SLC4A10: variants seen among roughly 807,000 people sequenced by gnomAD.
SLC4A10 encodes solute carrier family 4 member 10.
Under a neutral mutation model 137.7 loss-of-function variants are expected in SLC4A10, and 42 were observed. The ratio of observed to expected loss-of-function variants is 0.30; its 90% confidence interval spans 0.24 to 0.39. The LOEUF (loss-of-function observed/expected upper bound fraction) is 0.39, where lower values mean the gene tolerates loss of function less well. Ranked by LOEUF, SLC4A10 falls within the 10% of genes least tolerant of loss-of-function variation. SLC4A10 has a pLI of 1.00. For missense variants in SLC4A10, 925 were observed against 1,355.0 expected, an observed-to-expected ratio of 0.68 and a Z score of 4.98; for synonymous variants, 474 against 464.1, an observed-to-expected ratio of 1.02 and a Z score of -0.27.
chr2:161,763,145 T>C (rs1281205462), intron 1 of SLC4A10, among the ~76,000 whole-genome samples: 1 of 152,106 alleles, frequency 6.6e-6, no homozygotes, highest in Admixed American at 6.6e-5. Flanking sequence ...GAATTAATCA[T>C]TCTGTTGAGC....
intron 5 of SLC4A10, among the ~76,000 whole-genome samples, chr2:161,858,697 G>C (rs2060234922): frequency 6.6e-6 from 1 of 152,184 alleles, no homozygotes; most frequent in South Asian, 2.1e-4. Flanking sequence ...ATTAATGATG[G>C]AAATATCCTC....
At chr2:161,822,317 A>G (rs1300223182) in intron 3 of SLC4A10, among the ~76,000 whole-genome samples, 3 of 152,188 alleles carry the variant, frequency 2.0e-5, no homozygotes, top group African/African-American at 7.2e-5. Flanking sequence ...AGACATGGGG[A>G]CCCTAATACC....
At chr2:161,737,598 G>A in intron 1 of SLC4A10, among the ~76,000 whole-genome samples, 1 of 151,830 alleles carries the variant, frequency 6.6e-6, no homozygotes, top group East Asian at 1.9e-4. Flanking sequence ...ATTCCTTCAT[G>A]GGCCTAATTC....
Position 161,942,826 on chromosome 2 carries a change from G to A in SLC4A10, c.2032G>A (p.Gly678Ser), listed in dbSNP as rs1692970808. 1.9e-6 allele frequency: 3 copies of A among 1,605,834 alleles called. No homozygotes were observed. The African/African-American group carries it at 4.0e-5, about 21-fold the overall frequency. ...NCVEPHNPSNGTLKEWRESNI... is the reference protein window; with the variant it reads ...NCVEPHNPSNSTLKEWRESNI... ...TGTGGAACCGCATAATCCCAGCAAT[G>A]GCACATTGAAGGAATGGAGGGAATC... Residue 678 changes from glycine to serine, a missense_variant, in exon 16 of 27, where the codon GGC becomes AGC. Gly to Ser is a moderately conservative substitution (Grantham distance 56). Around this residue, in one of 11 missense-constraint regions of SLC4A10, gnomAD observed 91 missense variants for 95.6 expected, o/e 0.95. Coordinates refer to ENST00000446997, the MANE Select transcript of SLC4A10 (RefSeq NM_001178015.2).
intron 15 of SLC4A10, among the ~76,000 whole-genome samples, chr2:161,933,392 T>C (rs544623483): frequency 1.5e-4 from 22 of 151,346 alleles, no homozygotes; most frequent in African/African-American, 5.3e-4. Flanking sequence ...CTCCCTTCCC[T>C]TCCCTTCCCT....
chr2:161,810,114 AT>A (rs2056393318), intron 3 of SLC4A10, among the ~76,000 whole-genome samples: 1 of 150,804 alleles, frequency 6.6e-6, no homozygotes, highest in South Asian at 2.1e-4. Flanking sequence ...GATGTATTAC[AT>A]TTTTTTGTGT....
intron 3 of SLC4A10, among the ~76,000 whole-genome samples, chr2:161,811,152 T>C (rs1288411545): frequency 6.6e-6 from 1 of 152,138 alleles, no homozygotes; most frequent in East Asian, 1.9e-4. Flanking sequence ...CTAATTTGTT[T>C]GCACAGAGGT....
chr2:161,829,167 G>A (rs1474653480), intron 3 of SLC4A10, among the ~76,000 whole-genome samples: 1 of 151,730 alleles, frequency 6.6e-6, no homozygotes, highest in Admixed American at 6.6e-5. Context: ...TACCCTTATA[G>A]CACTAAGCAC....
intron 3 of SLC4A10, among the ~76,000 whole-genome samples, chr2:161,825,624 T>TG: frequency 6.6e-6 from 1 of 152,338 alleles, no homozygotes; most frequent in East Asian, 1.9e-4. Flanking sequence ...GTGTGGCTTA[T>TG]GTATGATTCA....
chr2:161,862,560 G>A (rs1377258678), intron 5 of SLC4A10, among the ~76,000 whole-genome samples: 2 of 152,044 alleles, frequency 1.3e-5, no homozygotes, highest in East Asian at 3.9e-4. Flanking sequence ...CATCAGTGTG[G>A]ATAATAAATA....
intron 5 of SLC4A10, among the ~76,000 whole-genome samples, chr2:161,857,828 T>A (rs1407884778): frequency 6.6e-6 from 1 of 152,144 alleles, no homozygotes; most frequent in Non-Finnish European, 1.5e-5. Flanking sequence ...AAATAGAAAG[T>A]TCTTTATCAA....
At chr2:161,679,880 A>C (rs1245054296) in intron 1 of SLC4A10, among the ~76,000 whole-genome samples, 1 of 152,014 alleles carries the variant, frequency 6.6e-6, no homozygotes, top group African/African-American at 2.4e-5. Context: ...TTTTGGGGGC[A>C]AAATCAAACT....
In SLC4A10 at chr2:161,927,379, G is replaced by A. The variant is rs545258886; in HGVS notation, c.1998-15413G>A. Among the ~76,000 whole-genome samples the A allele has an allele frequency of 3.3e-5, 5 of 151,934 alleles. No individual in the cohort carries two copies. The South Asian group carries it at 6.2e-4, about 19-fold the overall frequency. On this transcript the variant is annotated intron_variant, in intron 15 of 26. Coordinates refer to ENST00000446997, the MANE Select transcript of SLC4A10 (RefSeq NM_001178015.2). ...CTCCTGTGGCTTCTGCATTCTTTAC[G>A]TAGTTCTCAAGCCTTGGCTTTCAGC...
intron 3 of SLC4A10, among the ~76,000 whole-genome samples, chr2:161,809,950 C>A (rs2056379866): frequency 6.6e-6 from 1 of 152,010 alleles, no homozygotes; most frequent in South Asian, 2.1e-4. Flanking sequence ...GTATTGAATT[C>A]TGTAAATTGC....
chr2:161,751,724 C>A (rs1297238502), intron 1 of SLC4A10, among the ~76,000 whole-genome samples: 2 of 151,750 alleles, frequency 1.3e-5, no homozygotes, highest in Non-Finnish European at 3.0e-5. Flanking sequence ...TTTAATTAAT[C>A]TAATCTCTTT....
At chr2:161,649,250 A>AGTC (rs1173836487) in intron 1 of SLC4A10, among the ~76,000 whole-genome samples, 1 of 152,140 alleles carries the variant, frequency 6.6e-6, no homozygotes, top group Non-Finnish European at 1.5e-5. Context: ...AGTCCCAGCT[A>AGTC]CTCGGAAAGC....
intron 16 of SLC4A10, 71 bp from the exon 17 acceptor site, chr2:161,947,495 G>T: frequency 6.8e-7 from 1 of 1,476,370 alleles, no homozygotes; most frequent in South Asian, 1.3e-5. Flanking sequence ...TGATCAGAAG[G>T]TGTTAGTTTT....
intron 2 of SLC4A10, among the ~76,000 whole-genome samples, chr2:161,774,594 T>G (rs903145558): frequency 6.6e-6 from 1 of 151,772 alleles, no homozygotes; most frequent in East Asian, 1.9e-4. Context: ...CTGCCTCCCC[T>G]GTGGTTTTAC....
intron 1 of SLC4A10, among the ~76,000 whole-genome samples, chr2:161,637,005 A>G (rs975514594): frequency 1.5e-4 from 23 of 148,968 alleles, no homozygotes; most frequent in African/African-American, 5.6e-4. Context: ...GGCGTGCATC[A>G]CTATACCCGG....
Sources: allele counts gnomAD v4.1 joint callset (sites outside exome capture counted in the v4.1 genomes callset), GRCh38; gene constraint gnomAD v4.1.1; regional missense constraint gnomAD v4.1.1; transcripts MANE v1.5; gene names NCBI Gene and HGNC (gene_info 2026-07-23, HGNC 2026-07-21).